The following MILR1 variants were observed in gnomAD, a reference collection of about 807,000 sequenced individuals.
MILR1 encodes the protein mast cell immunoglobulin like receptor 1, also known as allergin-1.
MILR1 carries 31 observed loss-of-function variants against 18.5 expected under a neutral mutation model. The observed-to-expected ratio is 1.68, with a 90% CI of 1.26 to 2.26. The LOEUF (loss-of-function observed/expected upper bound fraction) is 2.26. Ranked by LOEUF, MILR1 falls within the 30% of genes most tolerant of loss-of-function variation. MILR1 has a pLI of 0.00. For synonymous variants in MILR1, 85 were observed against 56.2 expected (o/e 1.51, Z -2.30); for missense variants, 257 against 157.4 (o/e 1.63, Z -3.38).
intron 8 of MILR1, among the ~76,000 whole-genome samples, chr17:64,467,101 TTCTTTCCTG>T (rs1336508940): frequency 6.6e-6 from 1 of 151,670 alleles, no homozygotes; most frequent in Non-Finnish European, 1.5e-5. Context: ...TTTCTTTTCT[TTCTTTCCTG>T]CCTTTCTCCT....
chr17:64,490,109 G>C, the MILR1 span, among the ~76,000 whole-genome samples: 1 of 152,068 alleles, frequency 6.6e-6, no homozygotes, highest in African/African-American at 2.4e-5. Context: ...ATTTTTAGTA[G>C]AGATGGGGTT....
the MILR1 span, among the ~76,000 whole-genome samples, chr17:64,497,224 CTTT>C: frequency 2.6e-5 from 4 of 152,230 alleles, no homozygotes; most frequent in Non-Finnish European, 5.9e-5. Flanking sequence ...TTCAGATTGA[CTTT>C]TTTCTTTCCT....
chr17:64,455,765 G>A (rs1232059518), intron 3 of MILR1, among the ~76,000 whole-genome samples: 1 of 151,948 alleles, frequency 6.6e-6, no homozygotes, highest in Non-Finnish European at 1.5e-5. Context: ...AGGGCCGGCT[G>A]CAGTGGCTCA....
chr17:64,494,003 A>G, the MILR1 span, among the ~76,000 whole-genome samples: 16 of 152,216 alleles, frequency 1.1e-4, 1 homozygote, highest in African/African-American at 3.9e-4. Flanking sequence ...CCACAATATA[A>G]TCTAACATAT....
Position 64,452,968 on chromosome 17 carries a change from A to T in MILR1, c.367+102A>T, listed in dbSNP as rs1239069523. On this transcript the variant is annotated intron_variant, in intron 3 of 9. Transcript: ENST00000619286. Reference sequence around the variant, plus strand: ...TCCTTGTGAACACTTAAGAACCTGGAAAGTATGTTACTGCGAGCTTTATTC... The same window carrying T: ...TCCTTGTGAACACTTAAGAACCTGGTAAGTATGTTACTGCGAGCTTTATTC... The T allele has an allele frequency of 1.2e-5, 5 of 425,574 alleles. No individual in the cohort carries two copies. In the South Asian group the frequency reaches 4.4e-4, roughly 37 times the overall value. 26.4% of individuals were successfully genotyped at this position (425,574 alleles called of 1,614,324 possible).
chr17:64,482,814 C>A, the MILR1 span: 1 of 719,006 alleles, frequency 1.4e-6, no homozygotes, highest in South Asian at 1.5e-5. Context: ...ATTAGAGATG[C>A]AAATATACCA....
downstream of MILR1, among the ~76,000 whole-genome samples, chr17:64,473,364 AAAG>A (rs201075496): frequency 2.6e-3 from 383 of 146,654 alleles, 4 homozygotes; most frequent in South Asian, 0.023. Context: ...AAAAAAAAAA[AAAG>A]AAGAAGTTAT....
chr17:64,464,698 T>C (rs2037510012), intron 5 of MILR1, among the ~76,000 whole-genome samples: 1 of 152,280 alleles, frequency 6.6e-6, no homozygotes, highest in South Asian at 2.1e-4. Context: ...CCCAGCACTT[T>C]GATCACCTGA....
the MILR1 span, among the ~76,000 whole-genome samples, chr17:64,489,816 A>G: frequency 6.6e-6 from 1 of 152,202 alleles, no homozygotes; most frequent in Non-Finnish European, 1.5e-5. Context: ...TGATCTGGGC[A>G]AGAATCATCA....
the MILR1 span, among the ~76,000 whole-genome samples, chr17:64,476,845 TA>T: frequency 4.1e-4 from 57 of 138,470 alleles, no homozygotes; most frequent in South Asian, 1.1e-3. Context: ...AAAATTAAAA[TA>T]AAAAAAAAAA....
the MILR1 span, chr17:64,478,054 C>T: frequency 6.5e-7 from 1 of 1,545,382 alleles, no homozygotes; most frequent in African/African-American, 1.4e-5. Context: ...TCCACGTTGC[C>T]AGCTGTAATT....
At chr17:64,465,336 T>C (rs1250697500) in intron 5 of MILR1, 116 bp from the exon 6 acceptor site, 3 of 738,412 alleles carry the variant, frequency 4.1e-6, no homozygotes, top group Non-Finnish European at 7.0e-6. Context: ...GTTTGGGCCA[T>C]TGGAGCAAGT....
chr17:64,449,360 GT>G lies in MILR1; in HGVS notation c.97+8del. Reference sequence around the variant, plus strand: ...GTGAGGCAATGAAAACAAATGGTAAGTTTCATTTACTTCTTTCTTATTGAAA... The same window carrying G: ...GTGAGGCAATGAAAACAAATGGTAAGTTCATTTACTTCTTTCTTATTGAAA... On this transcript the variant is annotated splice_donor_region_variant and intron_variant, in intron 2 of 9. Coordinates refer to ENST00000619286, the MANE Select transcript of MILR1 (RefSeq NM_001085423.2). The G allele has an allele frequency of 2.1e-6, 1 of 468,460 alleles. No individual in the cohort carries two copies. Among genetic ancestry groups the G allele is most frequent in the Non-Finnish European group, 3.9e-6 (1 of 255,480 alleles). The allele number at this position is 468,460 out of a possible 1,614,324, so 29.0% of individuals were successfully genotyped here. A position where few individuals can be genotyped will look rare whatever the true frequency, so the allele number is the denominator to read the frequency against.
intron 4 of MILR1, among the ~76,000 whole-genome samples, chr17:64,460,539 C>T (rs1026334557): frequency 2.6e-5 from 4 of 151,684 alleles, no homozygotes; most frequent in African/African-American, 4.8e-5. Flanking sequence ...AGAAACAGGG[C>T]CTCACTATGT....
At chr17:64,477,036 AAT>A in the MILR1 span, among the ~76,000 whole-genome samples, 4 of 152,218 alleles carry the variant, frequency 2.6e-5, no homozygotes, top group Admixed American at 6.5e-5. Flanking sequence ...AACAAACTAC[AAT>A]ATATGACATC....
At chr17:64,480,294 A>T in the MILR1 span, 2 of 1,501,656 alleles carry the variant, frequency 1.3e-6, no homozygotes, top group Non-Finnish European at 1.8e-6. Context: ...CTTACTTCGA[A>T]TAAAGTTGTT....
chr17:64,453,805 G>A (rs1174208923), intron 3 of MILR1, among the ~76,000 whole-genome samples: 1 of 152,100 alleles, frequency 6.6e-6, no homozygotes, highest in African/African-American at 2.4e-5. Context: ...ACACATGTAT[G>A]TTATACCTGG....
Position 64,464,896 on chromosome 17 carries a change from C to T in MILR1, c.764-556C>T, listed in dbSNP as rs536287472. Among the ~76,000 whole-genome samples the T allele has an allele frequency of 7.1e-3, 1,086 of 152,104 alleles. 13 individuals carry two copies. The highest frequency in any genetic ancestry group is 0.025 in the African/African-American group (1,033 of 41,472). On this transcript the variant is annotated intron_variant, in intron 5 of 9. Coordinates refer to ENST00000619286, the MANE Select transcript of MILR1 (RefSeq NM_001085423.2). Reference sequence around the variant, plus strand: ...CGGAGATTGCACCATGGCACTCCAGCCTGGGCAACAGAGCAAGACTCCGTC... The same window carrying T: ...CGGAGATTGCACCATGGCACTCCAGTCTGGGCAACAGAGCAAGACTCCGTC...
downstream of MILR1, among the ~76,000 whole-genome samples, chr17:64,472,735 C>T (rs1237066193): frequency 1.3e-5 from 2 of 152,102 alleles, no homozygotes; most frequent in East Asian, 1.9e-4. Context: ...ACACCCTAGG[C>T]GTGTAGCAGG....
Sources: gnomAD v4.1 joint callset for allele counts (sites outside exome capture counted in the v4.1 genomes callset) on GRCh38, gnomAD v4.1.1 for gene constraint, MANE v1.5 for transcripts, NCBI Gene and HGNC (gene_info 2026-07-23, HGNC 2026-07-21) for gene names.